The following ZPBP variants were observed in gnomAD, a reference collection of about 807,000 sequenced individuals.
ZPBP encodes zona pellucida binding protein.
In ZPBP, 26 loss-of-function variants were observed where a neutral mutation model predicts 44.8. The observed-to-expected ratio is 0.58, with a 90% CI of 0.43 to 0.81. The LOEUF (loss-of-function observed/expected upper bound fraction) is 0.81, where lower values mean the gene tolerates loss of function less well. Among genes scored for constraint, ZPBP ranks in the 30% least tolerant of loss-of-function variants. The probability of loss-of-function intolerance (pLI) is 0.00; values close to 1 mark genes in which losing one functional copy is unlikely to be tolerated. For synonymous variants in ZPBP, 174 were observed against 153.2 expected, an observed-to-expected ratio of 1.14 and a Z score of -1.00; for missense variants, 409 against 434.0, an observed-to-expected ratio of 0.94 and a Z score of 0.51.
chr7:50,009,736 T>C (rs1798484937), intron 6 of ZPBP, among the ~76,000 whole-genome samples: 1 of 151,784 alleles, frequency 6.6e-6, no homozygotes, highest in African/African-American at 2.4e-5. Context: ...TCCCAAAGAA[T>C]GCAAAACAAA....
chr7:49,900,928 T>G (rs750070089), intron 2 of ZPBP, among the ~76,000 whole-genome samples: 10 of 151,846 alleles, frequency 6.6e-5, no homozygotes, highest in Non-Finnish European at 1.2e-4. Context: ...TACATGGGAT[T>G]TATCCCAGGT....
At chr7:49,944,812 T>C (rs1017804138) in intron 7 of ZPBP, among the ~76,000 whole-genome samples, 13 of 148,356 alleles carry the variant, frequency 8.8e-5, no homozygotes, top group Admixed American at 2.7e-4. Context: ...TTTTTAAAAA[T>C]AACTTTTCAT....
At chr7:49,847,847 A>T (rs910684918), downstream of ZPBP, among the ~76,000 whole-genome samples, 1 of 152,036 alleles carries the variant, frequency 6.6e-6, no homozygotes, top group Non-Finnish European at 1.5e-5. Context: ...CCCGCAGAGG[A>T]GGTCATGGGG....
chr7:50,019,396 T>C (rs1439856793), intron 5 of ZPBP, among the ~76,000 whole-genome samples: 1 of 152,146 alleles, frequency 6.6e-6, no homozygotes, highest in African/African-American at 2.4e-5. Flanking sequence ...GTTCATCTCC[T>C]TAATAACATC....
intron 6 of ZPBP, among the ~76,000 whole-genome samples, chr7:50,006,254 A>G (rs2128797890): frequency 6.6e-6 from 1 of 152,148 alleles, no homozygotes; most frequent in South Asian, 2.1e-4. Context: ...GAACCTGAAC[A>G]ATACCATAGA....
At chr7:50,080,940 T>C (rs1407886313) in intron 3 of ZPBP, among the ~76,000 whole-genome samples, 1 of 151,754 alleles carries the variant, frequency 6.6e-6, no homozygotes, top group Non-Finnish European at 1.5e-5. Context: ...GATGAATAAT[T>C]TGTCCTAAGA....
intron 7 of ZPBP, among the ~76,000 whole-genome samples, chr7:49,974,327 A>G (rs1796413292): frequency 6.6e-6 from 1 of 152,148 alleles, no homozygotes; most frequent in Admixed American, 6.5e-5. Flanking sequence ...AAAAAAGTAG[A>G]GCTTCTGGGA....
chr7:49,982,375 AATAT>A (rs1298915291), intron 7 of ZPBP, among the ~76,000 whole-genome samples: 1 of 129,392 alleles, frequency 7.7e-6, no homozygotes, highest in Non-Finnish European at 1.6e-5. Context: ...TATAATACAT[AATAT>A]ATATAATCAC....
chr7:49,854,078 T>G (rs1452451998), intron 2 of ZPBP, among the ~76,000 whole-genome samples: 1 of 152,016 alleles, frequency 6.6e-6, no homozygotes, highest in Non-Finnish European at 1.5e-5. Context: ...TATTCCATGG[T>G]GTATATGTGC....
chr7:50,088,174 G>GA (rs928899537), intron 2 of ZPBP, among the ~76,000 whole-genome samples: 2 of 151,970 alleles, frequency 1.3e-5, no homozygotes, highest in African/African-American at 4.8e-5. Flanking sequence ...CAATTGCAAA[G>GA]AAAAAGAATA....
At chr7:49,901,477 ATACT>A (rs1792720362) in intron 1 of ZPBP, among the ~76,000 whole-genome samples, 1 of 151,892 alleles carries the variant, frequency 6.6e-6, no homozygotes, top group Non-Finnish European at 1.5e-5. Flanking sequence ...CCAAAAAGAA[ATACT>A]TAGGTATAAA....
At chr7:50,009,393 T>C (rs543300220) in intron 6 of ZPBP, among the ~76,000 whole-genome samples, 8 of 151,360 alleles carry the variant, frequency 5.3e-5, no homozygotes, top group African/African-American at 2.0e-4. Flanking sequence ...ACCTTCTTGC[T>C]GACCCTGATT....
At chr7:50,018,849 A>C (rs866767361) in intron 5 of ZPBP, among the ~76,000 whole-genome samples, 1 of 152,174 alleles carries the variant, frequency 6.6e-6, no homozygotes, top group Middle Eastern at 3.4e-3. Context: ...TTAATAAATA[A>C]TTGCCAGGAG....
intron 7 of ZPBP, among the ~76,000 whole-genome samples, chr7:49,961,583 A>G (rs1795862411): frequency 6.6e-6 from 1 of 152,144 alleles, no homozygotes; most frequent in Admixed American, 6.5e-5. Context: ...CAACATGTAT[A>G]GTTAATTGTA....
chr7:50,039,089 C>T (rs947018260), intron 4 of ZPBP, among the ~76,000 whole-genome samples: 1 of 152,086 alleles, frequency 6.6e-6, no homozygotes, highest in African/African-American at 2.4e-5. Context: ...AGGGAAGCAA[C>T]AGCTGTGACA....
At chr7:49,998,489 T>C (rs1797957271) in intron 6 of ZPBP, among the ~76,000 whole-genome samples, 2 of 152,214 alleles carry the variant, frequency 1.3e-5, no homozygotes, top group South Asian at 2.1e-4. Flanking sequence ...ATTCCATAAA[T>C]TTTCAAAAAT....
At chr7:49,895,946 A>C (rs2128732485) in intron 2 of ZPBP, among the ~76,000 whole-genome samples, 1 of 152,306 alleles carries the variant, frequency 6.6e-6, no homozygotes, top group East Asian at 1.9e-4. Flanking sequence ...TAAGTAATTC[A>C]TATTTTCATT....
intron 6 of ZPBP, among the ~76,000 whole-genome samples, chr7:50,008,485 C>T (rs919529002): frequency 7.9e-5 from 12 of 151,974 alleles, no homozygotes; most frequent in African/African-American, 2.9e-4. Flanking sequence ...ATCAAAATGC[C>T]AATGCCATTT....
intron 2 of ZPBP, among the ~76,000 whole-genome samples, chr7:49,886,519 G>A (rs1301944618): frequency 6.6e-6 from 1 of 151,884 alleles, no homozygotes; most frequent in Non-Finnish European, 1.5e-5. Flanking sequence ...TTCTTCTTTT[G>A]ATTTTAATTT....
Sources: gnomAD v4.1 joint callset for allele counts (sites outside exome capture counted in the v4.1 genomes callset) on GRCh38, gnomAD v4.1.1 for gene constraint, MANE v1.5 for transcripts, NCBI Gene and HGNC (gene_info 2026-07-23, HGNC 2026-07-21) for gene names.